Variants in RBFOX2 observed in about 807,000 individuals in gnomAD.
The protein encoded by RBFOX2 is RNA binding protein fox-1 homolog 2.
A neutral mutation model predicts 49.1 loss-of-function variants in RBFOX2; 10 were observed. The observed-to-expected ratio is 0.20, with a 90% confidence interval of 0.13 to 0.35. The LOEUF is 0.35. Ranked by LOEUF, RBFOX2 falls within the 10% of genes least tolerant of loss-of-function variation. RBFOX2 has a pLI of 1.00. For missense variants in RBFOX2, 323 were observed against 486.9 expected, an observed-to-expected ratio of 0.66 and a Z score of 3.17; for synonymous variants, 183 against 187.4, an observed-to-expected ratio of 0.98 and a Z score of 0.19.
chr22:35,979,881 A>G (rs2057373372), intron 1 of RBFOX2, among the ~76,000 whole-genome samples: 1 of 152,216 alleles, frequency 6.6e-6, no homozygotes, highest in South Asian at 2.1e-4. Context: ...TTAATCTACT[A>G]CACCATGCTA....
At chr22:35,979,817 TG>T (rs1485471566) in intron 1 of RBFOX2, among the ~76,000 whole-genome samples, 2 of 152,214 alleles carry the variant, frequency 1.3e-5, no homozygotes, top group African/African-American at 4.8e-5. Flanking sequence ...GGTTAAAACG[TG>T]GTTCAACAAG....
intron 4 of RBFOX2, among the ~76,000 whole-genome samples, chr22:35,768,985 A>G (rs1239830418): frequency 6.6e-6 from 1 of 152,200 alleles, no homozygotes; most frequent in East Asian, 1.9e-4. Flanking sequence ...GAGAGCATTC[A>G]TGCTCTTCTA....
chr22:35,852,289 T>C (rs1421242903), intron 1 of RBFOX2, among the ~76,000 whole-genome samples: 1 of 152,054 alleles, frequency 6.6e-6, no homozygotes, highest in Non-Finnish European at 1.5e-5. Context: ...TGAGAGGGTG[T>C]ATCCTGGTAC....
At chr22:36,002,171 A>G (rs531781291) in intron 1 of RBFOX2, among the ~76,000 whole-genome samples, 1 of 152,356 alleles carries the variant, frequency 6.6e-6, no homozygotes, top group South Asian at 2.1e-4. Context: ...CGGTAACATA[A>G]TAGAAAAATG....
At chr22:35,769,840 T>C (rs1942155233) in intron 4 of RBFOX2, among the ~76,000 whole-genome samples, 1 of 152,208 alleles carries the variant, frequency 6.6e-6, no homozygotes, top group African/African-American at 2.4e-5. Context: ...CTCAGCATTC[T>C]AAGTGATTAT....
At chr22:35,925,665 G>C (rs546412580) in intron 1 of RBFOX2, among the ~76,000 whole-genome samples, 31 of 152,284 alleles carry the variant, frequency 2.0e-4, no homozygotes, top group Middle Eastern at 3.4e-3. Flanking sequence ...ATGGGACATG[G>C]GAAATAGTGT....
chr22:35,888,782 C>A (rs1009394921), intron 1 of RBFOX2, among the ~76,000 whole-genome samples: 3 of 152,306 alleles, frequency 2.0e-5, no homozygotes, highest in South Asian at 2.1e-4. Context: ...TGTCTTGCCA[C>A]AATCTCTTAT....
chr22:35,754,062 C>G (rs995932947), intron 9 of RBFOX2, among the ~76,000 whole-genome samples: 2 of 151,024 alleles, frequency 1.3e-5, no homozygotes, highest in Admixed American at 6.6e-5. Flanking sequence ...CGATTACACA[C>G]GTGAGCGATG....
exon 1 of RBFOX2, chr22:35,840,243 C>T (rs575621996): frequency 1.2e-6 from 2 of 1,614,130 alleles, no homozygotes; most frequent in Middle Eastern, 1.6e-4. Context: ...GATGATAAAC[C>T]TTTCAAAGCA....
intron 1 of RBFOX2, among the ~76,000 whole-genome samples, chr22:35,951,000 C>A (rs1162313874): frequency 6.8e-6 from 1 of 147,104 alleles, no homozygotes; most frequent in African/African-American, 2.5e-5. Context: ...GTTGCCCAGG[C>A]TGGAGTGCAG....
chr22:35,837,486 C>CA (rs1957886772), intron 1 of RBFOX2, among the ~76,000 whole-genome samples: 1 of 141,476 alleles, frequency 7.1e-6, no homozygotes, highest in South Asian at 2.1e-4. Context: ...ATGTCTGGCT[C>CA]AAACACACAC....
intron 1 of RBFOX2, among the ~76,000 whole-genome samples, chr22:36,013,018 C>T (rs894688959): frequency 5.9e-5 from 9 of 152,162 alleles, no homozygotes; most frequent in African/African-American, 1.9e-4. Context: ...CCCGCCTCGG[C>T]TTCCCAAAAT....
chr22:35,858,150 C>T (rs1760365529), intron 1 of RBFOX2, among the ~76,000 whole-genome samples: 3 of 152,110 alleles, frequency 2.0e-5, no homozygotes, highest in Admixed American at 2.0e-4. Flanking sequence ...GACAAAATGC[C>T]TGCATATAAA....
At chr22:36,028,542 G>C (rs2059539937) in exon 1 of RBFOX2, 1 of 913,070 alleles carries the variant, frequency 1.1e-6, no homozygotes, top group African/African-American at 1.8e-5. Flanking sequence ...GCCCCCGCGT[G>C]CGTGCGTGCG....
chr22:35,768,794 T>A (rs1371568239), intron 4 of RBFOX2, among the ~76,000 whole-genome samples: 1 of 152,206 alleles, frequency 6.6e-6, no homozygotes, highest in Non-Finnish European at 1.5e-5. Context: ...TATTTTCCAG[T>A]AACTGCTACA....
At chr22:35,809,734 A>G (rs1951462258) in intron 2 of RBFOX2, 46 bp downstream of exon 3, 1 of 1,573,450 alleles carries the variant, frequency 6.4e-7, no homozygotes, top group Non-Finnish European at 8.7e-7. Flanking sequence ...CAATTTCTAT[A>G]TGATTGCCAT....
intron 1 of RBFOX2, among the ~76,000 whole-genome samples, chr22:35,861,465 CCCA>C (rs1276774295): frequency 1.3e-5 from 2 of 151,960 alleles, no homozygotes; most frequent in African/African-American, 2.4e-5. Context: ...AACAAAACAA[CCCA>C]CGTTTTTTAA....
intron 1 of RBFOX2, among the ~76,000 whole-genome samples, chr22:35,951,551 A>T (rs2054940665): frequency 6.6e-6 from 1 of 152,084 alleles, no homozygotes; most frequent in African/African-American, 2.4e-5. Flanking sequence ...GGAGGTAAAT[A>T]ATTCTTTATA....
intron 1 of RBFOX2, among the ~76,000 whole-genome samples, chr22:35,816,255 T>TTTTTG (rs1029888575): frequency 2.0e-5 from 3 of 152,068 alleles, no homozygotes; most frequent in Non-Finnish European, 4.4e-5. Flanking sequence ...ATATTCTCGT[T>TTTTTG]TTTTGTTTTG....
Sources: allele counts gnomAD v4.1 joint callset (sites outside exome capture counted in the v4.1 genomes callset), GRCh38; gene constraint gnomAD v4.1.1; transcripts MANE v1.5; gene names NCBI Gene and HGNC (gene_info 2026-07-23, HGNC 2026-07-21).